Variants in GAS2L3 observed in about 807,000 individuals in gnomAD.
The protein encoded by GAS2L3 is GAS2-like protein 3.
Under a neutral mutation model 37.0 loss-of-function variants are expected in GAS2L3, and 28 were observed. The observed-to-expected ratio is 0.76, with a 90% confidence interval of 0.56 to 1.04. The LOEUF (loss-of-function observed/expected upper bound fraction) is 1.04, where lower values mean the gene tolerates loss of function less well. GAS2L3 is among the 50% of genes least tolerant of loss of function. GAS2L3 has a pLI of 0.00. For missense variants in GAS2L3, 793 were observed against 817.6 expected (o/e 0.97, Z 0.37); for synonymous variants, 290 against 296.6 (o/e 0.98, Z 0.23).
At chr12:100,590,929 G>A (rs937019696) in intron 1 of GAS2L3, among the ~76,000 whole-genome samples, 2 of 151,662 alleles carry the variant, frequency 1.3e-5, no homozygotes, top group Non-Finnish European at 2.9e-5. Flanking sequence ...GGGGACTTGG[G>A]GGGAAGAGTG....
Position 100,628,191 on chromosome 12 carries a change from T to C in GAS2L3, c.*3301T>C, listed in dbSNP as rs559053291. The stretch of plus-strand genomic sequence containing the variant: ...TCCAGGTTCACATAATAACCCCATT[T>C]GAATCCAAATTTGTGTATATTTTCT... On this transcript the variant is annotated 3_prime_UTR_variant, in exon 10 of 10. Transcript: ENST00000547754. The C allele has an allele frequency of 1.3e-5, 2 of 152,348 alleles. No individual in the cohort carries two copies. Among genetic ancestry groups the C allele is most frequent in the Non-Finnish European group, 2.9e-5 (2 of 68,028 alleles). 9.4% of individuals were successfully genotyped at this position (152,348 alleles called of 1,614,324 possible).
At chr12:100,595,733 C>T (rs1955903638) in intron 3 of GAS2L3, among the ~76,000 whole-genome samples, 1 of 151,960 alleles carries the variant, frequency 6.6e-6, no homozygotes, top group South Asian at 2.1e-4. Context: ...TGAGTCTCTG[C>T]TTCCTTACCT....
At position 100,594,878 on chromosome 12, in the gene GAS2L3, A is replaced by T. The variant is rs764676740; in HGVS notation, c.-27A>T. The T allele has an allele frequency of 2.3e-6, 3 of 1,285,268 alleles. No individual in the cohort carries two copies. Among genetic ancestry groups the T allele is most frequent in the Non-Finnish European group, 3.2e-6 (3 of 951,574 alleles). The allele number at this position is 1,285,268 out of a possible 1,614,324, so 79.6% of individuals were successfully genotyped here. A position where few individuals can be genotyped will look rare whatever the true frequency, so the allele number is the denominator to read the frequency against. On this transcript the variant is annotated 5_prime_UTR_variant, in exon 3 of 10. The change creates a new upstream start codon in the 5' untranslated region. Coordinates refer to ENST00000547754, the MANE Select transcript of GAS2L3 (RefSeq NM_174942.3). ...TAATATTTTGTTCTTTTTTCAGAAA[A>T]GAAATTTCATTTCAATATAGGTGAC...
chr12:100,604,854 T>C (rs927696549), intron 5 of GAS2L3, among the ~76,000 whole-genome samples: 2 of 152,014 alleles, frequency 1.3e-5, no homozygotes, highest in African/African-American at 2.4e-5. Flanking sequence ...TGAAATGATA[T>C]ATACGGTTTT....
intron 1 of GAS2L3, among the ~76,000 whole-genome samples, chr12:100,584,004 A>G (rs1370232625): frequency 6.6e-6 from 1 of 152,194 alleles, no homozygotes; most frequent in Non-Finnish European, 1.5e-5. Context: ...GTCACATTTC[A>G]TCGATAGCAG....
At position 100,623,794 on chromosome 12, in the gene GAS2L3, A is replaced by G. The variant is rs755196244; in HGVS notation, c.989A>G (p.Asn330Ser). Residue 330 changes from asparagine (N) to serine (S), a missense_variant, in exon 10 of 10, where the codon AAT (asparagine) becomes AGT (serine). Physicochemically the swap from Asn to Ser is conservative, Grantham distance 46. Transcript: ENST00000547754. ...LSAVNMFQKQ[N>S]SKPSVPVSIP... ...GCAGTTAACATGTTTCAGAAACAAA[A>G]TTCAAAACCCAGCGTGCCAGTTAGT... The G allele has an allele frequency of 6.2e-7, 1 of 1,614,108 alleles. No homozygotes were observed. The highest frequency in any genetic ancestry group is 8.5e-7 in the Non-Finnish European group (1 of 1,179,996).
At chr12:100,588,477 G>T (rs538124734) in intron 1 of GAS2L3, among the ~76,000 whole-genome samples, 1 of 152,264 alleles carries the variant, frequency 6.6e-6, no homozygotes, top group Non-Finnish European at 1.5e-5. Context: ...GTCTAACAAA[G>T]ATCACATGCT....
chr12:100,597,804 A>T (rs183776499), intron 3 of GAS2L3, among the ~76,000 whole-genome samples: 3 of 152,160 alleles, frequency 2.0e-5, no homozygotes, highest in Non-Finnish European at 2.9e-5. Context: ...TACCTATGGC[A>T]TTGCTATAGC....
chr12:100,593,038 G>T (rs1008080082), intron 2 of GAS2L3, among the ~76,000 whole-genome samples: 1 of 152,130 alleles, frequency 6.6e-6, no homozygotes, highest in African/African-American at 2.4e-5. Flanking sequence ...ATGTGATTGT[G>T]ATAGTATCGA....
At chr12:100,580,165 G>C in intron 1 of GAS2L3, 1 of 754,366 alleles carries the variant, frequency 1.3e-6, no homozygotes, top group Non-Finnish European at 2.4e-6. Flanking sequence ...TAAAAGAGGG[G>C]GTGAGAATAT....
chr12:100,617,675 C>A, intron 6 of GAS2L3, 69 bp from the exon 7 acceptor site: 1 of 951,436 alleles, frequency 1.1e-6, no homozygotes, highest in Non-Finnish European at 1.7e-6. Context: ...TAACTCTCTT[C>A]TTCCATGCCA....
At chr12:100,607,890 A>G (rs1238701834) in intron 5 of GAS2L3, among the ~76,000 whole-genome samples, 2 of 152,254 alleles carry the variant, frequency 1.3e-5, no homozygotes, top group South Asian at 2.1e-4. Context: ...GAAAGGTCAC[A>G]TATCTCTGTT....
intron 6 of GAS2L3, among the ~76,000 whole-genome samples, chr12:100,616,577 A>G (rs1956189974): frequency 6.6e-6 from 1 of 151,712 alleles, no homozygotes; most frequent in Non-Finnish European, 1.5e-5. Context: ...CTGGGATTAC[A>G]AGTGTGCACC....
chr12:100,591,001 A>T (rs1377440770), intron 1 of GAS2L3, among the ~76,000 whole-genome samples: 1 of 152,002 alleles, frequency 6.6e-6, no homozygotes, highest in Admixed American at 6.6e-5. Flanking sequence ...CGGGTGATGG[A>T]TGCACCAAAA....
At chr12:100,618,763 A>T (rs974701785) in intron 8 of GAS2L3, 176 bp downstream of exon 8, 7 of 531,682 alleles carry the variant, frequency 1.3e-5, no homozygotes, top group Non-Finnish European at 2.2e-5. Flanking sequence ...TTTAAAGGTG[A>T]TTTGTTATTG....
chr12:100,623,969 A>G lies in GAS2L3; in HGVS notation c.1164A>G (p.Ser388=). 1 of 1,614,124 alleles carries G rather than the reference A, an allele frequency of 6.2e-7. No individual in the cohort carries two copies. The highest frequency in any genetic ancestry group is 8.5e-7 in the Non-Finnish European group (1 of 1,179,992). The change falls in exon 10 of 10, where the codon TCA becomes TCG. Residue 388 remains serine (S), a synonymous_variant. Coordinates refer to ENST00000547754, the MANE Select transcript of GAS2L3 (RefSeq NM_174942.3). ...CTTCTCATCCCAAGCTCAAGTCTTC[A>G]AAAGGCATAACGAAGAAACCGCAGG... ...AASSHPKLKS[S]KGITKKPQAP... is the part of the protein sequence containing the mutation.
Position 100,621,325 on chromosome 12 carries a change from C to T in GAS2L3, c.649-950C>T, listed in dbSNP as rs79571512. Among the ~76,000 whole-genome samples, 179 of 152,096 alleles carry T rather than the reference C, an allele frequency of 1.2e-3. 4 individuals carry two copies. In the East Asian group the frequency reaches 0.033, roughly 28 times the overall value. ...TGGCTGATGTGTGACTTTTTTCAGT[C>T]ATAGGTATTTCAACAAATATCTTTA... On this transcript the variant is annotated intron_variant, in intron 8 of 9. Coordinates refer to ENST00000547754, the MANE Select transcript of GAS2L3 (RefSeq NM_174942.3).
intron 9 of GAS2L3, among the ~76,000 whole-genome samples, chr12:100,623,161 A>C (rs1162860296): frequency 6.6e-6 from 1 of 152,168 alleles, no homozygotes; most frequent in Non-Finnish European, 1.5e-5. Flanking sequence ...TTCTGTTTTA[A>C]GGCAGTATGA....
chr12:100,623,808 G>A lies in GAS2L3; in HGVS notation c.1003G>A (p.Val335Met), dbSNP rs146343346. The A allele has an allele frequency of 2.8e-3, 4,544 of 1,613,944 alleles. 11 individuals are homozygous for A. Among genetic ancestry groups the A allele is most frequent in the Non-Finnish European group, 3.0e-3 (3,499 of 1,179,982 alleles). ...MFQKQNSKPS[V>M]PVSIPKSKEK... is the part of the protein sequence containing the mutation. ...TCAGAAACAAAATTCAAAACCCAGCGTGCCAGTTAGTATTCCAAAAAGCAA... is the reference window on the plus strand; with the variant it reads ...TCAGAAACAAAATTCAAAACCCAGCATGCCAGTTAGTATTCCAAAAAGCAA... Residue 335 changes from valine (V) to methionine (M), a missense_variant, in exon 10 of 10, where the codon GTG (valine) becomes ATG (methionine). By Grantham distance (21) the Val-to-Met change is conservative. Transcript: ENST00000547754.
Sources: allele counts gnomAD v4.1 joint callset (sites outside exome capture counted in the v4.1 genomes callset), GRCh38; gene constraint gnomAD v4.1.1; transcripts MANE v1.5; gene names NCBI Gene and HGNC (gene_info 2026-07-23, HGNC 2026-07-21).